The following VWA3A variants were observed in gnomAD, a reference collection of about 807,000 sequenced individuals.
VWA3A encodes the protein von Willebrand factor A domain containing 3A.
VWA3A carries 134 observed loss-of-function variants against 160.4 expected under a neutral mutation model. That is an observed-to-expected ratio of 0.84 (90% CI 0.73 to 0.96). VWA3A has a LOEUF of 0.96. Ranked by LOEUF, VWA3A falls within the 40% of genes least tolerant of loss-of-function variation. The pLI is 0.00. For missense variants in VWA3A, 1,310 were observed against 1,447.9 expected, an observed-to-expected ratio of 0.90 and a Z score of 1.55; for synonymous variants, 476 against 543.4, an observed-to-expected ratio of 0.88 and a Z score of 1.72.
At chr16:22,150,328 G>T (rs2046327176) in intron 29 of VWA3A, among the ~76,000 whole-genome samples, 1 of 152,146 alleles carries the variant, frequency 6.6e-6, no homozygotes, top group Admixed American at 6.5e-5. Context: ...TTGAACCTGG[G>T]AGGCAGAGGT....
intron 9 of VWA3A, among the ~76,000 whole-genome samples, chr16:22,115,912 A>C (rs1367350156): frequency 9.1e-5 from 3 of 32,876 alleles, no homozygotes; most frequent in African/African-American, 7.6e-4. Context: ...GAAGGAAGGA[A>C]GGAAGGAAGG....
chr16:22,124,529 TCTA>T (rs1408709275), intron 16 of VWA3A, among the ~76,000 whole-genome samples: 1 of 136,424 alleles, frequency 7.3e-6, no homozygotes, highest in Non-Finnish European at 1.5e-5. Flanking sequence ...ATACTATACA[TCTA>T]TTATTATTAT....
intron 25 of VWA3A, among the ~76,000 whole-genome samples, 194 bp downstream of exon 25, chr16:22,142,959 G>A (rs2046180437): frequency 6.6e-6 from 1 of 151,938 alleles, no homozygotes; most frequent in African/African-American, 2.4e-5. Context: ...GAGACCACCT[G>A]GCCAACATGG....
intron 21 of VWA3A, among the ~76,000 whole-genome samples, chr16:22,137,952 G>C (rs986571520): frequency 2.0e-5 from 3 of 152,166 alleles, no homozygotes; most frequent in Non-Finnish European, 4.4e-5. Flanking sequence ...AAGAAGTGGG[G>C]CTATGTGCAG....
At chr16:22,120,618 A>G (rs1022147054) in intron 12 of VWA3A, among the ~76,000 whole-genome samples, 1 of 152,194 alleles carries the variant, frequency 6.6e-6, no homozygotes, top group African/African-American at 2.4e-5. Context: ...CAATGTGGCC[A>G]CAGGGTGGCC....
chr16:22,146,218 C>G lies in VWA3A; in HGVS notation c.2731-18C>G. The G allele has an allele frequency of 6.2e-7, 1 of 1,606,402 alleles. No individual in the cohort carries two copies. Among genetic ancestry groups the G allele is most frequent in the Non-Finnish European group, 8.5e-7 (1 of 1,174,310 alleles). On this transcript the variant is annotated intron_variant, in intron 26 of 33. Coordinates refer to ENST00000389398, the MANE Select transcript of VWA3A (RefSeq NM_173615.5). Reference sequence around the variant, plus strand: ...TGACTGATGGGGTGGGTGCTTGCCTCTGCTTGCCTTAACCCAGGGAGTGGT... The same window carrying G: ...TGACTGATGGGGTGGGTGCTTGCCTGTGCTTGCCTTAACCCAGGGAGTGGT...
At chr16:22,116,378 AAAG>A (rs1441009196) in intron 9 of VWA3A, 2 of 448,348 alleles carry the variant, frequency 4.5e-6, no homozygotes, top group East Asian at 6.9e-5. Flanking sequence ...AAGAGAGAAA[AAAG>A]AGGAAGGAAA....
intron 3 of VWA3A, 124 bp downstream of exon 3, chr16:22,097,819 A>C (rs772664507): frequency 7.0e-6 from 9 of 1,287,872 alleles, no homozygotes; most frequent in Non-Finnish European, 9.5e-6. Context: ...GGAGTAATTA[A>C]GCATTTATCT....
At chr16:22,126,862 A>G (rs557433414) in intron 17 of VWA3A, among the ~76,000 whole-genome samples, 1 of 151,956 alleles carries the variant, frequency 6.6e-6, no homozygotes, top group African/African-American at 2.4e-5. Flanking sequence ...AATAAATAAA[A>G]TTATATGTAT....
At chr16:22,140,584 T>C (rs1208764402) in intron 23 of VWA3A, among the ~76,000 whole-genome samples, 1 of 150,664 alleles carries the variant, frequency 6.6e-6, no homozygotes, top group East Asian at 2.0e-4. Context: ...CTAACCTCAG[T>C]GACAGAGCAA....
chr16:22,129,402 A>AAAG (rs2045909179), intron 17 of VWA3A, among the ~76,000 whole-genome samples: 28 of 118,972 alleles, frequency 2.4e-4, no homozygotes, highest in African/African-American at 8.5e-4. Context: ...AAAAAAAAAA[A>AAAG]AAAGAAAGAA....
intron 31 of VWA3A, 88 bp from the exon 32 acceptor site, chr16:22,155,479 G>T: frequency 6.8e-6 from 8 of 1,171,270 alleles, no homozygotes; most frequent in Non-Finnish European, 8.9e-6. Flanking sequence ...AAACCAGAAC[G>T]TGATTAGCTC....
At chr16:22,139,199 G>A (rs1048097121) in intron 22 of VWA3A, among the ~76,000 whole-genome samples, 5 of 152,148 alleles carry the variant, frequency 3.3e-5, no homozygotes, top group South Asian at 2.1e-4. Flanking sequence ...CTGTGCAGCC[G>A]GGTTCTGCCC....
chr16:22,144,273 A>G lies in VWA3A; in HGVS notation c.2619A>G (p.Lys873=). The change falls in exon 26 of 34, where the codon AAA becomes AAG. Residue 873 remains lysine, a synonymous_variant. Transcript: ENST00000389398. ...QEWVAKYGLK[K]LKLEISRCMG... Reference sequence around the variant, plus strand: ...GGGTGGCAAAATATGGGCTCAAAAAATTGAAGCTGGAGATTTCCAGATGCA... The same window carrying G: ...GGGTGGCAAAATATGGGCTCAAAAAGTTGAAGCTGGAGATTTCCAGATGCA... 1 of 1,613,078 alleles carries G rather than the reference A, an allele frequency of 6.2e-7. No homozygotes were observed. Among genetic ancestry groups the G allele is most frequent in the South Asian group, 1.1e-5 (1 of 90,794 alleles).
chr16:22,119,263 T>G (rs771037186), intron 12 of VWA3A, among the ~76,000 whole-genome samples: 12 of 152,182 alleles, frequency 7.9e-5, no homozygotes, highest in Non-Finnish European at 1.5e-4. Context: ...AAAATTTATT[T>G]CAGAGAAAGA....
chr16:22,131,851 T>C, intron 19 of VWA3A, 122 bp downstream of exon 19: 1 of 1,351,156 alleles, frequency 7.4e-7, no homozygotes, highest in Non-Finnish European at 9.9e-7. Flanking sequence ...CAAACTTTAA[T>C]GTATAGACAA....
Position 22,147,752 on chromosome 16 carries a change from G to A in VWA3A, c.2840-410G>A, listed in dbSNP as rs1311331402. On this transcript the variant is annotated intron_variant, in intron 27 of 33. Transcript: ENST00000389398. ...GGTGACATAAAACCAGAGATCCAGC[G>A]ATTTCTTTTGTAGTATGAATCCCCC... is the stretch of plus-strand genomic sequence containing the variant. The A allele has an allele frequency of 5.5e-5, 38 of 687,634 alleles. No individual in the cohort carries two copies. In the Admixed American group the frequency reaches 5.9e-4, roughly 11 times the overall value. 42.6% of individuals were successfully genotyped at this position (687,634 alleles called of 1,614,324 possible). A position where few individuals can be genotyped will look rare whatever the true frequency, so the allele number is the denominator to read the frequency against.
At chr16:22,102,288 C>T (rs2045418933) in intron 5 of VWA3A, among the ~76,000 whole-genome samples, 1 of 152,044 alleles carries the variant, frequency 6.6e-6, no homozygotes, top group Admixed American at 6.6e-5. Context: ...GAGGTTGAAG[C>T]TGCAGTGAGC....
intron 31 of VWA3A, among the ~76,000 whole-genome samples, chr16:22,154,285 T>G (rs530073143): frequency 7.3e-5 from 11 of 151,706 alleles, no homozygotes; most frequent in Admixed American, 5.3e-4. Flanking sequence ...GTGCTACTAC[T>G]GCCAGGCAGA....
Sources: gnomAD v4.1 joint callset for allele counts (sites outside exome capture counted in the v4.1 genomes callset) on GRCh38, gnomAD v4.1.1 for gene constraint, MANE v1.5 for transcripts, NCBI Gene and HGNC (gene_info 2026-07-23, HGNC 2026-07-21) for gene names.